The following DMD variants were observed in gnomAD, a reference collection of about 807,000 sequenced individuals.
The protein encoded by DMD is mutant dystrophin.
DMD carries 63 observed loss-of-function variants against 330.1 expected under a neutral mutation model. The ratio of observed to expected loss-of-function variants is 0.19; its 90% confidence interval spans 0.16 to 0.24. The LOEUF is 0.24. Ranked by LOEUF, DMD falls within the 10% of genes least tolerant of loss-of-function variation. DMD has a pLI of 1.00. For synonymous variants in DMD, 1,223 were observed against 959.8 expected (o/e 1.27, Z -5.07); for missense variants, 3,344 against 2,684.1 (o/e 1.25, Z -5.43).
At chrX:32,844,427 G>GA (rs2080466655) in intron 4 of DMD, among the ~76,000 whole-genome samples, 1 of 105,010 alleles carries the variant, frequency 9.5e-6, no homozygotes, top group Non-Finnish European at 2.0e-5. Flanking sequence ...AAAAAGAAAA[G>GA]AAAAGAAAAG....
intron 41 of DMD, among the ~76,000 whole-genome samples, chrX:32,335,283 C>A (rs1350851568): frequency 9.2e-6 from 1 of 108,180 alleles, no homozygotes; most frequent in African/African-American, 3.4e-5. Flanking sequence ...CTGACTGTAA[C>A]CTCTGTCTCC....
At chrX:33,217,088 G>GA (rs1255356533) in intron 1 of DMD, among the ~76,000 whole-genome samples, 10 of 111,240 alleles carry the variant, frequency 9.0e-5, no homozygotes, top group African/African-American at 3.3e-4. Context: ...ATTGATTAGG[G>GA]AAAAAATCAT....
intron 61 of DMD, among the ~76,000 whole-genome samples, chrX:31,347,488 C>G (rs1173785842): frequency 2.7e-5 from 3 of 111,611 alleles, no homozygotes. Flanking sequence ...TAAGAACATG[C>G]GATTTTTGTC....
At chrX:33,087,148 CA>C (rs1404688149) in intron 1 of DMD, among the ~76,000 whole-genome samples, 1 of 111,578 alleles carries the variant, frequency 9.0e-6, no homozygotes, top group Non-Finnish European at 1.9e-5. Flanking sequence ...GATTAGCATC[CA>C]AAGCCAGTTT....
chrX:32,884,829 G>C (rs1236748117), intron 2 of DMD, among the ~76,000 whole-genome samples: 3 of 112,076 alleles, frequency 2.7e-5, no homozygotes, highest in African/African-American at 9.7e-5. Context: ...ACCAAACAAG[G>C]AGAAGTGTAT....
At position 32,719,361 on chromosome X, in the gene DMD, T is replaced by A. The variant is rs776386636; in HGVS notation, c.650-20068A>T. Among the ~76,000 whole-genome samples, 323 of 111,976 alleles carry A rather than the reference T, an allele frequency of 2.9e-3. 2 individuals are homozygous for A. The highest frequency in any genetic ancestry group is 0.01 in the African/African-American group (312 of 30,961). On this transcript the variant is annotated intron_variant, in intron 7 of 78. Coordinates refer to ENST00000357033, the MANE Select transcript of DMD (RefSeq NM_004006.3). ...AAAAATCAGCACTGAGCTTTCATATTCCTTTTCAATTTCTCATTATCAATT... is the reference window on the plus strand; with the variant it reads ...AAAAATCAGCACTGAGCTTTCATATACCTTTTCAATTTCTCATTATCAATT...
At chrX:32,282,014 G>T (rs2097422627) in intron 43 of DMD, among the ~76,000 whole-genome samples, 1 of 112,018 alleles carries the variant, frequency 8.9e-6, no homozygotes, top group African/African-American at 3.2e-5. Flanking sequence ...TTACTTTCTT[G>T]ATGTTTGACA....
Position 32,685,104 on chromosome X carries a change from T to G in DMD, c.960+12766A>C, listed in dbSNP as rs1174989137. On this transcript the variant is annotated intron_variant, in intron 9 of 78. Coordinates refer to ENST00000357033, the MANE Select transcript of DMD (RefSeq NM_004006.3). ...TTTATTCCTGGCTTCTAGGATCAAG[T>G]GGCCAATAAGCAATTATTAAATTAA... Among the ~76,000 whole-genome samples, 10 of 111,565 alleles carry G rather than the reference T, an allele frequency of 9.0e-5. No homozygotes were observed. The Admixed American group carries it at 9.6e-4, about 11-fold the overall frequency.
chrX:32,705,857 C>A lies in DMD; in HGVS notation c.650-6564G>T, dbSNP rs932523396. The stretch of plus-strand genomic sequence containing the variant: ...TCTAGAACTAGAAATACCATTTGAG[C>A]CAGCCATCCCATTACTGGGTATATA... On this transcript the variant is annotated intron_variant, in intron 7 of 78. Transcript: ENST00000357033. Among the ~76,000 whole-genome samples the A allele has an allele frequency of 4.5e-5, 5 of 110,361 alleles. No homozygotes were observed. In the East Asian group the frequency reaches 1.4e-3, roughly 32 times the overall value.
At chrX:32,980,323 G>A (rs763506197) in intron 2 of DMD, among the ~76,000 whole-genome samples, 3 of 88,312 alleles carry the variant, frequency 3.4e-5, no homozygotes, top group Non-Finnish European at 6.3e-5. Context: ...CCGAGATCGC[G>A]CCACTGCACC....
intron 16 of DMD, among the ~76,000 whole-genome samples, chrX:32,546,206 C>A (rs902536962): frequency 9.6e-6 from 1 of 104,297 alleles, no homozygotes; most frequent in Non-Finnish European, 2.0e-5. Context: ...CATTCCTTAT[C>A]ATATTCTCCG....
At chrX:31,248,549 C>A (rs767015713) in intron 63 of DMD, among the ~76,000 whole-genome samples, 2 of 111,732 alleles carry the variant, frequency 1.8e-5, no homozygotes, top group Non-Finnish European at 3.8e-5. Flanking sequence ...TTTTATGTTT[C>A]TTGTTCCCGA....
rs760399098 is a variant in DMD at position 31,515,183 on chromosome X, G to T, written c.8218-7730C>A. ...AAGAAGGGAGATGTCAAGAATTAGT[G>T]CTGTACCCTTCTTTTTATTATTAAC... On this transcript the variant is annotated intron_variant, in intron 55 of 78. Coordinates refer to ENST00000357033, the MANE Select transcript of DMD (RefSeq NM_004006.3). Among the ~76,000 whole-genome samples the T allele has an allele frequency of 1.9e-3, 213 of 111,757 alleles. 1 individual carries two copies. The highest frequency in any genetic ancestry group is 6.4e-3 in the African/African-American group (199 of 30,891).
intron 45 of DMD, among the ~76,000 whole-genome samples, chrX:31,933,790 C>T (rs1292104188): frequency 8.9e-6 from 1 of 111,761 alleles, no homozygotes; most frequent in Non-Finnish European, 1.9e-5. Flanking sequence ...AATTGTATGG[C>T]TTTATACTCC....
intron 9 of DMD, among the ~76,000 whole-genome samples, chrX:32,676,086 T>C (rs184228829): frequency 1.8e-3 from 196 of 111,755 alleles, no homozygotes; most frequent in African/African-American, 6.0e-3. Context: ...AGGTTGTTTT[T>C]AGTTGACAGA....
intron 2 of DMD, among the ~76,000 whole-genome samples, chrX:32,939,005 A>G (rs1439305640): frequency 9.0e-6 from 1 of 110,512 alleles, no homozygotes; most frequent in Non-Finnish European, 1.9e-5. Context: ...TGCCTAGCAC[A>G]AATAGAGGTC....
chrX:33,278,776 C>T (rs1417616161), intron 1 of DMD, among the ~76,000 whole-genome samples: 4 of 110,970 alleles, frequency 3.6e-5, no homozygotes, highest in Non-Finnish European at 5.7e-5. Flanking sequence ...TCACAGTAGC[C>T]GACCTAATTT....
At position 31,473,711 on chromosome X, in the gene DMD, C is replaced by CAAAAAAAAAAAA. The variant is rs55752684; in HGVS notation, c.8937+4383_8937+4394dup. 5.7e-3 allele frequency among the ~76,000 whole-genome samples: 227 copies of CAAAAAAAAAAAA among 40,104 alleles called. 8 individuals carry two copies. The highest frequency in any genetic ancestry group is 0.019 in the African/African-American group (207 of 11,147). The allele number at this position is 40,104 out of a possible 115,157, so 34.8% of individuals were successfully genotyped here. A position where few individuals can be genotyped will look rare whatever the true frequency, so the allele number is the denominator to read the frequency against. ...CTGGTGACAGAGTGAGACTCTGTCT[C>CAAAAAAAAAAAA]AAAAAAAAAAAAAAAAAGAAAACAA... On this transcript the variant is annotated intron_variant, in intron 59 of 78. Coordinates refer to ENST00000357033, the MANE Select transcript of DMD (RefSeq NM_004006.3).
intron 41 of DMD, among the ~76,000 whole-genome samples, chrX:32,325,146 T>C (rs2097644493): frequency 9.0e-6 from 1 of 111,203 alleles, no homozygotes; most frequent in South Asian, 3.7e-4. Context: ...GAACAGTATA[T>C]GGAATATAGT....
Sources: allele counts gnomAD v4.1 joint callset (sites outside exome capture counted in the v4.1 genomes callset), GRCh38; gene constraint gnomAD v4.1.1; transcripts MANE v1.5; gene names NCBI Gene and HGNC (gene_info 2026-07-23, HGNC 2026-07-21).